TAF3: variants seen among roughly 807,000 people sequenced by gnomAD.
The protein encoded by TAF3 is transcription initiation factor TFIID subunit 3.
In TAF3, 7 loss-of-function variants were observed where a neutral mutation model predicts 80.6. The ratio of observed to expected loss-of-function variants is 0.09; its 90% CI spans 0.05 to 0.16. The LOEUF (loss-of-function observed/expected upper bound fraction) is 0.16, where lower values mean the gene tolerates loss of function less well. TAF3 is among the 10% of genes least tolerant of loss of function. The pLI, the probability that TAF3 is intolerant of heterozygous loss-of-function variation, is 1.00. For missense variants in TAF3, 921 were observed against 1,140.2 expected, an observed-to-expected ratio of 0.81 and a Z score of 2.77; for synonymous variants, 444 against 446.1, an observed-to-expected ratio of 1.00 and a Z score of 0.06.
chr10:8,012,284 G>A (rs986336527), intron 5 of TAF3, among the ~76,000 whole-genome samples: 1 of 152,206 alleles, frequency 6.6e-6, no homozygotes, highest in African/African-American at 2.4e-5. Flanking sequence ...AGGCTAGAGA[G>A]CAAAAAGGCA....
At chr10:7,857,463 G>C (rs971881464) in intron 2 of TAF3, among the ~76,000 whole-genome samples, 1 of 152,234 alleles carries the variant, frequency 6.6e-6, no homozygotes, top group Non-Finnish European at 1.5e-5. Context: ...GTAGCCATGG[G>C]TACCCCCAGA....
rs1360815556 is a variant in TAF3 at position 7,964,659 on chromosome 10, A to G, written c.1149A>G (p.Ala383=). 1.9e-6 allele frequency: 3 copies of G among 1,614,108 alleles called. No homozygotes were observed. Among genetic ancestry groups the G allele is most frequent in the East Asian group, 2.2e-5 (1 of 44,896 alleles). Reference sequence around the variant, plus strand: ...ATCAGCCGAAAAAGGCTGTGGTAGCAGATAAAACGATTGAGGCCTCTATCG... The same window carrying G: ...ATCAGCCGAAAAAGGCTGTGGTAGCGGATAAAACGATTGAGGCCTCTATCG... ...SENQPKKAVV[A]DKTIEASIDA... is the part of the protein sequence containing the mutation. Residue 383 remains alanine, a synonymous_variant, in exon 3 of 7, where the codon GCA becomes GCG. Coordinates refer to ENST00000344293, the MANE Select transcript of TAF3 (RefSeq NM_031923.4). This position sits in a 1 kb window ranked among gnomAD's most constrained non-coding sequence, Gnocchi z 4.1.
chr10:7,825,668 T>G (rs1293450019), intron 2 of TAF3, among the ~76,000 whole-genome samples: 2 of 152,228 alleles, frequency 1.3e-5, no homozygotes, highest in Non-Finnish European at 2.9e-5. Context: ...GTGTCGGGAT[T>G]TCGTTGTGTG....
intron 2 of TAF3, among the ~76,000 whole-genome samples, chr10:7,928,153 T>G (rs1837833752): frequency 6.6e-6 from 1 of 152,204 alleles, no homozygotes; most frequent in South Asian, 2.1e-4. Flanking sequence ...TTAGAGACCT[T>G]TGACCTTCCG....
At chr10:7,963,845 C>G in intron 2 of TAF3, 75 bp from the exon 3 acceptor site, 1 of 1,304,846 alleles carries the variant, frequency 7.7e-7, no homozygotes, top group Non-Finnish European at 1.0e-6. Context: ...ATATTTGAAG[C>G]ATTGTTTTTA....
intron 4 of TAF3, among the ~76,000 whole-genome samples, chr10:7,982,864 A>G (rs1831738740): frequency 6.6e-6 from 1 of 152,220 alleles, no homozygotes; most frequent in Non-Finnish European, 1.5e-5. Flanking sequence ...TGACTTTTGC[A>G]CACTTTCCAA....
chr10:7,941,427 A>T (rs1837974783), intron 2 of TAF3, among the ~76,000 whole-genome samples: 2 of 152,204 alleles, frequency 1.3e-5, no homozygotes, highest in South Asian at 4.1e-4. Flanking sequence ...GCACATGAGG[A>T]TGCTACAGGG....
At chr10:7,980,339 G>A (rs1370694389) in intron 4 of TAF3, among the ~76,000 whole-genome samples, 1 of 152,142 alleles carries the variant, frequency 6.6e-6, no homozygotes, top group Non-Finnish European at 1.5e-5. Context: ...TATGTCTTCT[G>A]CCCTTGATCC....
intron 4 of TAF3, among the ~76,000 whole-genome samples, chr10:7,999,365 T>C (rs766855602): frequency 6.6e-6 from 1 of 151,012 alleles, no homozygotes. Context: ...CTATGGGCAA[T>C]GTATTTCTTT....
At chr10:7,885,798 A>T (rs958299481) in intron 2 of TAF3, among the ~76,000 whole-genome samples, 1 of 152,118 alleles carries the variant, frequency 6.6e-6, no homozygotes, top group South Asian at 2.1e-4. Flanking sequence ...TTTTCTCTAA[A>T]TGGAGGCTCC....
intron 2 of TAF3, among the ~76,000 whole-genome samples, chr10:7,848,799 A>G (rs1365494553): frequency 6.6e-6 from 1 of 152,192 alleles, no homozygotes. Context: ...ACTTTATGCC[A>G]ATATGCCTTT....
In TAF3 at chr10:8,009,021, G is replaced by T. The variant is rs1490484320; in HGVS notation, c.2316-57G>T. Reference sequence around the variant, plus strand: ...TTTTACGATCATGTTTTTAAGCACGGGTTTGGTTCGATGATGATCCTGTTT... The same window carrying T: ...TTTTACGATCATGTTTTTAAGCACGTGTTTGGTTCGATGATGATCCTGTTT... On this transcript the variant is annotated intron_variant, in intron 4 of 6. Coordinates refer to ENST00000344293, the MANE Select transcript of TAF3 (RefSeq NM_031923.4). This position sits in a 1 kb window ranked among gnomAD's most constrained non-coding sequence, Gnocchi z 4.1. The T allele has an allele frequency of 4.5e-6, 7 of 1,555,964 alleles. No homozygotes were observed. Among genetic ancestry groups the T allele is most frequent in the Non-Finnish European group, 6.1e-6 (7 of 1,148,870 alleles).
chr10:7,820,656 G>A (rs1335347348), intron 1 of TAF3, among the ~76,000 whole-genome samples: 3 of 152,046 alleles, frequency 2.0e-5, no homozygotes, highest in Non-Finnish European at 4.4e-5. Flanking sequence ...CACCATGCCT[G>A]GCTAATCTTT....
chr10:7,830,914 A>G (rs1836793407), intron 2 of TAF3, among the ~76,000 whole-genome samples: 1 of 152,200 alleles, frequency 6.6e-6, no homozygotes, highest in South Asian at 2.1e-4. Context: ...GTGCACTCAT[A>G]ATGCAGCTCA....
chr10:7,840,259 T>G (rs1286662362), intron 2 of TAF3, among the ~76,000 whole-genome samples: 1 of 151,920 alleles, frequency 6.6e-6, no homozygotes, highest in African/African-American at 2.4e-5. Context: ...TTCACGCCAT[T>G]CTCCTGCCTC....
intron 4 of TAF3, among the ~76,000 whole-genome samples, chr10:7,998,520 T>C (rs1002728829): frequency 1.3e-5 from 2 of 151,940 alleles, no homozygotes; most frequent in Admixed American, 1.3e-4. Context: ...TGGGCGCCAT[T>C]ATCAGGCCTT....
At chr10:7,991,362 T>C (rs1426981163) in intron 4 of TAF3, among the ~76,000 whole-genome samples, 2 of 152,216 alleles carry the variant, frequency 1.3e-5, no homozygotes, top group African/African-American at 4.8e-5. Context: ...AATAATTTAT[T>C]AATGTTTTTG....
intron 2 of TAF3, among the ~76,000 whole-genome samples, chr10:7,944,583 A>G: frequency 6.6e-6 from 1 of 152,232 alleles, no homozygotes; most frequent in African/African-American, 2.4e-5. Context: ...CTCAGAAAAC[A>G]ATTAGTGCAT....
chr10:7,869,891 T>G (rs1044443529), intron 2 of TAF3, among the ~76,000 whole-genome samples: 3 of 152,248 alleles, frequency 2.0e-5, no homozygotes, highest in Non-Finnish European at 2.9e-5. Context: ...CCATTATAAA[T>G]TGCTCTTTAA....
Sources: gnomAD v4.1 joint callset for allele counts (sites outside exome capture counted in the v4.1 genomes callset) on GRCh38, gnomAD v4.1.1 for gene constraint, Gnocchi (gnomAD v3.1) non-coding constraint, MANE v1.5 for transcripts, NCBI Gene and HGNC (gene_info 2026-07-23, HGNC 2026-07-21) for gene names.